Variants in KIAA1549L observed in about 807,000 individuals in gnomAD.
The protein encoded by KIAA1549L is UPF0606 protein KIAA1549L.
A neutral mutation model predicts 160.7 loss-of-function variants in KIAA1549L; 88 were observed. The ratio of observed to expected loss-of-function variants is 0.55; its 90% CI spans 0.46 to 0.65. The LOEUF (loss-of-function observed/expected upper bound fraction) is 0.65. Ranked by LOEUF, KIAA1549L falls within the 30% of genes least tolerant of loss-of-function variation. The probability of loss-of-function intolerance (pLI) is 0.00; values close to 1 mark genes in which losing one functional copy is unlikely to be tolerated. For synonymous variants in KIAA1549L, 950 were observed against 976.7 expected (o/e 0.97, Z 0.51); for missense variants, 2,258 against 2,437.5 (o/e 0.93, Z 1.55).
chr11:33,558,717 A>G (rs927871585), intron 6 of KIAA1549L, among the ~76,000 whole-genome samples: 1 of 152,242 alleles, frequency 6.6e-6, no homozygotes, highest in African/African-American at 2.4e-5. Flanking sequence ...ACAAAATGTG[A>G]AAAGAAAACC....
intron 1 of KIAA1549L, among the ~76,000 whole-genome samples, chr11:33,440,459 CTG>C (rs1851479087): frequency 1.3e-5 from 2 of 152,154 alleles, no homozygotes; most frequent in African/African-American, 4.8e-5. Context: ...CTTAAACACT[CTG>C]TTTCTATTCT....
intron 1 of KIAA1549L, among the ~76,000 whole-genome samples, chr11:33,504,602 G>C (rs988070610): frequency 9.2e-5 from 14 of 151,946 alleles, no homozygotes; most frequent in South Asian, 2.1e-4. Flanking sequence ...CAAATAGCTG[G>C]GACTACAGGT....
intron 1 of KIAA1549L, among the ~76,000 whole-genome samples, chr11:33,415,047 A>AT (rs1221159175): frequency 6.6e-6 from 1 of 152,040 alleles, no homozygotes; most frequent in Non-Finnish European, 1.5e-5. Flanking sequence ...TGCCAAATCA[A>AT]TGACTCTTCC....
intron 16 of KIAA1549L, among the ~76,000 whole-genome samples, chr11:33,619,012 A>G (rs1850894591): frequency 6.6e-6 from 1 of 152,158 alleles, no homozygotes; most frequent in African/African-American, 2.4e-5. Flanking sequence ...ACTTGAACAC[A>G]GGCTTCTTTT....
intron 11 of KIAA1549L, among the ~76,000 whole-genome samples, chr11:33,587,219 G>A (rs1380141417): frequency 1.3e-5 from 2 of 152,022 alleles, no homozygotes; most frequent in Non-Finnish European, 2.9e-5. Context: ...CAGTGTATCC[G>A]CCATTGAAAT....
intron 16 of KIAA1549L, among the ~76,000 whole-genome samples, chr11:33,624,284 C>T (rs1851036670): frequency 6.6e-6 from 1 of 152,228 alleles, no homozygotes; most frequent in African/African-American, 2.4e-5. Flanking sequence ...GAGCTGACAT[C>T]TGAGGACTGA....
chr11:33,528,474 G>A (rs964895508), intron 1 of KIAA1549L, among the ~76,000 whole-genome samples: 7 of 152,186 alleles, frequency 4.6e-5, no homozygotes, highest in Non-Finnish European at 7.3e-5. Flanking sequence ...TCCCGCTACT[G>A]GGTATCTACT....
At chr11:33,505,756 C>T (rs950587969) in intron 1 of KIAA1549L, among the ~76,000 whole-genome samples, 5 of 152,170 alleles carry the variant, frequency 3.3e-5, no homozygotes, top group Admixed American at 6.5e-5. Context: ...TTTGATCCTT[C>T]GCACCTGTAG....
At chr11:33,417,391 G>A (rs989087742) in intron 1 of KIAA1549L, among the ~76,000 whole-genome samples, 3 of 152,062 alleles carry the variant, frequency 2.0e-5, no homozygotes, top group Admixed American at 6.6e-5. Flanking sequence ...CTGCACACTG[G>A]TATTTTCTGT....
At chr11:33,568,981 T>C (rs534110836) in intron 9 of KIAA1549L, among the ~76,000 whole-genome samples, 1 of 152,318 alleles carries the variant, frequency 6.6e-6, no homozygotes, top group East Asian at 1.9e-4. Context: ...TTTCAGAGCT[T>C]TCCCACAGAA....
intron 1 of KIAA1549L, among the ~76,000 whole-genome samples, chr11:33,390,301 T>G (rs1359332593): frequency 1.3e-5 from 2 of 152,250 alleles, no homozygotes; most frequent in Non-Finnish European, 2.9e-5. Flanking sequence ...GTGCATCTCC[T>G]GGGCCCAGTG....
At chr11:33,590,529 T>C (rs915179646) in intron 11 of KIAA1549L, among the ~76,000 whole-genome samples, 12 of 152,344 alleles carry the variant, frequency 7.9e-5, no homozygotes, top group Admixed American at 5.9e-4. Flanking sequence ...GGATTTCAGA[T>C]GCTGTGCAAT....
chr11:33,434,770 C>A (rs556462083), intron 1 of KIAA1549L, among the ~76,000 whole-genome samples: 1 of 152,316 alleles, frequency 6.6e-6, no homozygotes, highest in African/African-American at 2.4e-5. Flanking sequence ...AATGTAGCAA[C>A]TTATCCTTCA....
chr11:33,380,567 G>A (rs1249853027), intron 1 of KIAA1549L, among the ~76,000 whole-genome samples: 3 of 152,160 alleles, frequency 2.0e-5, no homozygotes, highest in African/African-American at 7.2e-5. Flanking sequence ...CCAGAGCTGA[G>A]TTCAGGTCCT....
chr11:33,430,885 G>A lies in KIAA1549L; in HGVS notation c.238+53996G>A, dbSNP rs138250646. 7.1e-3 allele frequency among the ~76,000 whole-genome samples: 1,082 copies of A among 152,310 alleles called. 7 individuals carry two copies. Among genetic ancestry groups the A allele is most frequent in the African/African-American group, 0.012 (508 of 41,572 alleles). On this transcript the variant is annotated intron_variant, in intron 1 of 20. Transcript: ENST00000658780. ...CAACTTTTGAAGTAGCACTGTGTCC[G>A]GAATTGGTGGGTTCTTGGTCTCACT...
Position 33,574,667 on chromosome 11 carries a change from G to T in KIAA1549L, c.4231-35G>T, listed in dbSNP as rs1025707924. The T allele has an allele frequency of 1.9e-6, 3 of 1,588,118 alleles. No homozygotes were observed. In the African/African-American group the frequency reaches 4.0e-5, roughly 21 times the overall value. On this transcript the variant is annotated intron_variant, in intron 9 of 20. Coordinates refer to ENST00000658780, the MANE Select transcript of KIAA1549L (RefSeq NM_012194.3). ...GGTGATTGCAGGGTCCATGCAAAAT[G>T]CCCTGCAAACACTCGGCCTCTCTTT... is the stretch of plus-strand genomic sequence containing the variant.
intron 1 of KIAA1549L, among the ~76,000 whole-genome samples, chr11:33,407,135 A>C (rs867625940): frequency 1.8e-4 from 22 of 120,088 alleles, no homozygotes; most frequent in Middle Eastern, 7.7e-3. Flanking sequence ...TCCAGGCTGG[A>C]GTGCAGTGGC....
intron 1 of KIAA1549L, among the ~76,000 whole-genome samples, chr11:33,412,571 G>T (rs534249396): frequency 1.3e-5 from 2 of 152,310 alleles, no homozygotes; most frequent in East Asian, 3.9e-4. Flanking sequence ...TAGCATAGTA[G>T]AGTCTCTTAG....
At chr11:33,570,881 G>A (rs1160232674) in intron 9 of KIAA1549L, among the ~76,000 whole-genome samples, 1 of 152,178 alleles carries the variant, frequency 6.6e-6, no homozygotes, top group African/African-American at 2.4e-5. Flanking sequence ...CTAAGATCCA[G>A]TATTGATGAG....
Sources: allele counts gnomAD v4.1 joint callset (sites outside exome capture counted in the v4.1 genomes callset), GRCh38; gene constraint gnomAD v4.1.1; transcripts MANE v1.5; gene names NCBI Gene and HGNC (gene_info 2026-07-23, HGNC 2026-07-21).